The following IFT46 variants were observed in gnomAD, a reference collection of about 807,000 sequenced individuals.
IFT46 encodes intraflagellar transport 46.
Under a neutral mutation model 39.6 loss-of-function variants are expected in IFT46, and 19 were observed. The observed-to-expected ratio is 0.48, with a 90% CI of 0.33 to 0.70. IFT46 has a LOEUF of 0.70. IFT46 is among the 30% of genes least tolerant of loss of function. The pLI is 0.01. For synonymous variants in IFT46, 117 were observed against 134.8 expected (o/e 0.87, Z 0.91); for missense variants, 334 against 364.8 (o/e 0.92, Z 0.69).
upstream of IFT46, among the ~76,000 whole-genome samples, chr11:118,567,782 T>TTAC (rs1252114546): frequency 6.6e-6 from 1 of 152,250 alleles, no homozygotes; most frequent in African/African-American, 2.4e-5. Context: ...TGTGCAGTAC[T>TTAC]TACTATGTAG....
intron 3 of IFT46, among the ~76,000 whole-genome samples, chr11:118,558,828 G>T (rs1555070036): frequency 1.3e-5 from 2 of 151,240 alleles, no homozygotes; most frequent in Non-Finnish European, 2.9e-5. Flanking sequence ...TGAGGCATGA[G>T]AATTGCTTGA....
upstream of IFT46, among the ~76,000 whole-genome samples, chr11:118,570,913 ATT>A (rs34808807): frequency 7.3e-5 from 11 of 149,772 alleles, no homozygotes; most frequent in Admixed American, 2.0e-4. Flanking sequence ...TTCCAGAACT[ATT>A]TTTTTTTTAA....
At chr11:118,557,196 G>T in intron 3 of IFT46, 151 bp from the exon 4 acceptor site, 1 of 580,634 alleles carries the variant, frequency 1.7e-6, no homozygotes, top group Non-Finnish European at 2.8e-6. Context: ...GGGCTTGAGA[G>T]CCTTCTTCTG....
chr11:118,558,914 A>G (rs561692055), intron 3 of IFT46, among the ~76,000 whole-genome samples: 4 of 147,862 alleles, frequency 2.7e-5, no homozygotes, highest in African/African-American at 9.9e-5. Context: ...CTCTGTCTCA[A>G]AAAAAAAAAA....
chr11:118,573,811 C>T (rs973438170), upstream of IFT46: 3 of 485,914 alleles, frequency 6.2e-6, no homozygotes, highest in East Asian at 3.3e-5. Flanking sequence ...AACAGGTTTG[C>T]CTCCTAAAAT....
rs782143552 is a variant in IFT46, at chr11:118,552,202, G to A, written c.605+12C>T. 9 of 1,613,906 alleles carry A rather than the reference G, an allele frequency of 5.6e-6. No individual in the cohort carries two copies. In the South Asian group the frequency reaches 7.7e-5, roughly 14 times the overall value. On this transcript the variant is annotated intron_variant, in intron 8 of 11. Transcript: ENST00000264021. ...TATGTGTTACTGTTGCAAAGAATGTGGTATTTCTTACCTGGTGTAGTGCAC... is the reference window on the plus strand; with the variant it reads ...TATGTGTTACTGTTGCAAAGAATGTAGTATTTCTTACCTGGTGTAGTGCAC...
At position 118,556,995 on chromosome 11, in the gene IFT46, A is replaced by T; in HGVS notation, c.96T>A (p.Asn32Lys). 2 of 1,612,666 alleles carry T rather than the reference A, an allele frequency of 1.2e-6. No individual in the cohort carries two copies. Among genetic ancestry groups the T allele is most frequent in the Non-Finnish European group, 1.7e-6 (2 of 1,179,264 alleles). ...QLTPQRGFSENEDDDDDDDDS... is the reference protein window; with the variant it reads ...QLTPQRGFSEKEDDDDDDDDS... ...CATCATCATCATCATCGTCATCCTC[A>T]TTTTCACTAAAGCCCCGTTGAGGTG... The change falls in exon 4 of 12, where the codon AAT (asparagine) becomes AAA (lysine). Residue 32 changes from asparagine (N) to lysine (K), a missense_variant. Asn to Lys is a moderately conservative substitution (Grantham distance 94, BLOSUM62 0). Transcript: ENST00000264021.
intron 3 of IFT46, chr11:118,557,641 T>TCC: frequency 7.1e-7 from 1 of 1,399,752 alleles, no homozygotes; most frequent in Admixed American, 1.7e-5. Context: ...ATCTGACCTA[T>TCC]CTGTATTTCC....
chr11:118,555,211 G>GGGAT (rs782228695), intron 5 of IFT46, 37 bp downstream of exon 5: 2 of 1,575,136 alleles, frequency 1.3e-6, no homozygotes, highest in African/African-American at 2.7e-5. Context: ...GGGCAAGGTA[G>GGGAT]GGATAGTGGG....
chr11:118,558,171 A>C (rs1937905406), intron 3 of IFT46, among the ~76,000 whole-genome samples: 1 of 152,256 alleles, frequency 6.6e-6, no homozygotes, highest in African/African-American at 2.4e-5. Flanking sequence ...ACACAGTTGC[A>C]GAATTTATTC....
intron 2 of IFT46, chr11:118,560,782 T>C: frequency 1.4e-6 from 1 of 718,866 alleles, no homozygotes; most frequent in South Asian, 1.5e-5. Flanking sequence ...CTGGTTACTA[T>C]CCTCAGAAAT....
intron 2 of IFT46, chr11:118,561,034 C>A: frequency 6.6e-7 from 1 of 1,516,118 alleles, no homozygotes. Flanking sequence ...TTGGCATGGA[C>A]AAGATCTATG....
At chr11:118,562,073 G>A (rs562798374) in intron 2 of IFT46, among the ~76,000 whole-genome samples, 3 of 151,976 alleles carry the variant, frequency 2.0e-5, no homozygotes, top group Admixed American at 6.5e-5. Context: ...TCAGGAGTTC[G>A]AGACCAGCCT....
At chr11:118,545,525 A>G in intron 10 of IFT46, 31 bp from the exon 11 acceptor site, 1 of 1,568,916 alleles carries the variant, frequency 6.4e-7, no homozygotes, top group East Asian at 2.2e-5. Flanking sequence ...CAGGAACAGA[A>G]GCAAACAAAC....
chr11:118,571,678 C>A (rs1938338497), intron 1 of IFT46, among the ~76,000 whole-genome samples: 1 of 152,170 alleles, frequency 6.6e-6, no homozygotes, highest in Non-Finnish European at 1.5e-5. Flanking sequence ...CTTCTTTGGA[C>A]ACATATCTAT....
In IFT46 at chr11:118,561,150, C is replaced by T. The variant is rs148331406; in HGVS notation, c.-35-1286G>A. On this transcript the variant is annotated intron_variant, in intron 2 of 11. Coordinates refer to ENST00000264021, the MANE Select transcript of IFT46 (RefSeq NM_001168618.2). ...GATACAGGTCTTGCCAGAACTACCA[C>T]TGGCAATAAAGTTTTTGGCACCCTG... 355 of 1,457,412 alleles carry T rather than the reference C, an allele frequency of 2.4e-4. 2 individuals carry two copies. In the African/African-American group the frequency reaches 4.5e-3, roughly 18 times the overall value. 90.3% of individuals were successfully genotyped at this position (1,457,412 alleles called of 1,614,324 possible).
upstream of IFT46, among the ~76,000 whole-genome samples, chr11:118,573,353 G>A (rs778033312): frequency 2.5e-4 from 38 of 152,118 alleles, no homozygotes; most frequent in Non-Finnish European, 5.3e-4. Context: ...GTTAGCCTCC[G>A]AGACCAGTTA....
chr11:118,562,832 G>A (rs956824980), intron 2 of IFT46, among the ~76,000 whole-genome samples: 1 of 152,198 alleles, frequency 6.6e-6, no homozygotes, highest in Non-Finnish European at 1.5e-5. Flanking sequence ...TTGGGAGGCC[G>A]AGGTGGGTGG....
At chr11:118,561,325 A>C in intron 2 of IFT46, 2 of 1,009,372 alleles carry the variant, frequency 2.0e-6, no homozygotes, top group Non-Finnish European at 3.1e-6. Flanking sequence ...ACTTAACAGA[A>C]GAAGATGAAG....
Sources: allele counts gnomAD v4.1 joint callset (sites outside exome capture counted in the v4.1 genomes callset), GRCh38; gene constraint gnomAD v4.1.1; transcripts MANE v1.5; gene names NCBI Gene and HGNC (gene_info 2026-07-23, HGNC 2026-07-21).